Variants in RPN2 observed in about 807,000 individuals in gnomAD.
RPN2 encodes dolichyl-diphosphooligosaccharide--protein glycosyltransferase subunit 2.
Under a neutral mutation model 71.4 loss-of-function variants are expected in RPN2, and 29 were observed. That is an observed-to-expected ratio of 0.41 (90% CI 0.30 to 0.55). The LOEUF (loss-of-function observed/expected upper bound fraction) is 0.55. Ranked by LOEUF, RPN2 falls within the 20% of genes least tolerant of loss-of-function variation. The probability of loss-of-function intolerance (pLI) is 0.35; values close to 1 mark genes in which losing one functional copy is unlikely to be tolerated. For missense variants in RPN2, 726 were observed against 774.1 expected, an observed-to-expected ratio of 0.94 and a Z score of 0.74; for synonymous variants, 308 against 305.0, an observed-to-expected ratio of 1.01 and a Z score of -0.10.
At chr20:37,190,036 T>A (rs1187113565) in intron 2 of RPN2, among the ~76,000 whole-genome samples, 1 of 152,156 alleles carries the variant, frequency 6.6e-6, no homozygotes, top group African/African-American at 2.4e-5. Context: ...ATTGAAATAG[T>A]AATGTTAACC....
At chr20:37,224,219 G>A (rs917349483) in intron 10 of RPN2, among the ~76,000 whole-genome samples, 4 of 152,232 alleles carry the variant, frequency 2.6e-5, no homozygotes, top group African/African-American at 9.6e-5. Flanking sequence ...CCTCAACGAG[G>A]TAAAGCGCTT....
chr20:37,237,292 A>G (rs981571491), intron 16 of RPN2, among the ~76,000 whole-genome samples: 6 of 152,224 alleles, frequency 3.9e-5, no homozygotes, highest in Non-Finnish European at 5.9e-5. Flanking sequence ...GCTTGCTGGC[A>G]GCTTGACTTT....
At chr20:37,198,793 C>T (rs566240170) in intron 3 of RPN2, among the ~76,000 whole-genome samples, 22 of 152,190 alleles carry the variant, frequency 1.4e-4, no homozygotes, top group East Asian at 1.9e-4. Flanking sequence ...TACCCCCACA[C>T]GAGGTTTCTG....
At chr20:37,199,425 A>AC (rs2067330920) in intron 4 of RPN2, among the ~76,000 whole-genome samples, 200 bp downstream of exon 4, 1 of 152,252 alleles carries the variant, frequency 6.6e-6, no homozygotes, top group South Asian at 2.1e-4. Context: ...GCTCACATGG[A>AC]CACAGTCTTC....
At chr20:37,182,277 A>C in intron 1 of RPN2, among the ~76,000 whole-genome samples, 1 of 151,748 alleles carries the variant, frequency 6.6e-6, no homozygotes, top group South Asian at 2.1e-4. Flanking sequence ...TCTTTTTAGT[A>C]GAGACAGGGT....
At chr20:37,179,806 C>T (rs746380660) in intron 1 of RPN2, among the ~76,000 whole-genome samples, 3 of 152,242 alleles carry the variant, frequency 2.0e-5, no homozygotes, top group Non-Finnish European at 4.4e-5. Context: ...AGAAAACCCT[C>T]ACTTCTCTCT....
At position 37,184,194 on chromosome 20, in the gene RPN2, T is replaced by C; in HGVS notation, c.28T>C (p.Phe10Leu). The part of the protein sequence containing the change: MAPPGSSTV[F>L]LLALTIIAST... ...TTCCCCCCAAGGTTCAAGCACTGTCTTCCTGTTGGCCCTGACAATCATAGC... is the reference window on the plus strand; with the variant it reads ...TTCCCCCCAAGGTTCAAGCACTGTCCTCCTGTTGGCCCTGACAATCATAGC... The change falls in exon 2 of 17, where the codon TTC becomes CTC. Residue 10 changes from phenylalanine (F) to leucine (L), a missense_variant. Physicochemically the swap from Phe to Leu is conservative, Grantham distance 22. Transcript: ENST00000237530. 1 of 1,614,208 alleles carries C rather than the reference T, an allele frequency of 6.2e-7. No homozygotes were observed. Among genetic ancestry groups the C allele is most frequent in the Non-Finnish European group, 8.5e-7 (1 of 1,180,030 alleles).
In RPN2 at chr20:37,203,905, C is replaced by A. The variant is rs1568975149; in HGVS notation, c.500C>A (p.Thr167Lys). The change falls in exon 5 of 17, where the codon ACA becomes AAA. Residue 167 changes from threonine (T) to lysine (K), a missense_variant. By Grantham distance (78) the Thr-to-Lys change is moderately conservative. Transcript: ENST00000237530. ...TVLATVQALQ[T>K]ASHLSQQADL... ...TCCAGAACAGTCCAGGCTCTGCAGACAGCATCCCACCTGTCCCAGCAGGCT... is the reference window on the plus strand; with the variant it reads ...TCCAGAACAGTCCAGGCTCTGCAGAAAGCATCCCACCTGTCCCAGCAGGCT... 6.2e-7 allele frequency: 1 copy of A among 1,613,986 alleles called. No individual in the cohort carries two copies. The highest frequency in any genetic ancestry group is 8.5e-7 in the Non-Finnish European group (1 of 1,179,818).
chr20:37,184,861 GGATCATACCA>G (rs2066971925), intron 2 of RPN2, among the ~76,000 whole-genome samples: 1 of 152,108 alleles, frequency 6.6e-6, no homozygotes, highest in African/African-American at 2.4e-5. Flanking sequence ...TGTATGTTAA[GGATCATACCA>G]GATCAGTTAT....
chr20:37,207,533 C>A, intron 7 of RPN2, 84 bp downstream of exon 7: 1 of 1,265,330 alleles, frequency 7.9e-7, no homozygotes, highest in Non-Finnish European at 1.2e-6. Context: ...TGGTCACAGC[C>A]AATTACAGCC....
At chr20:37,230,518 A>G (rs1005172819) in intron 13 of RPN2, among the ~76,000 whole-genome samples, 1 of 152,234 alleles carries the variant, frequency 6.6e-6, no homozygotes, top group Non-Finnish European at 1.5e-5. Context: ...GTGAGAATCA[A>G]AGTTGATAAC....
chr20:37,225,645 A>T (rs147874603), intron 10 of RPN2, 43 bp from the exon 11 acceptor site: 27 of 1,287,324 alleles, frequency 2.1e-5, no homozygotes, highest in Non-Finnish European at 2.9e-5. Context: ...TCTCAGAGAT[A>T]TACTGATCCT....
chr20:37,218,851 T>A (rs549568436), intron 9 of RPN2, among the ~76,000 whole-genome samples: 28 of 152,358 alleles, frequency 1.8e-4, no homozygotes, highest in African/African-American at 6.7e-4. Flanking sequence ...CATGTATTAG[T>A]ACTTTATTTC....
intron 16 of RPN2, 26 bp downstream of exon 16, chr20:37,236,735 C>T (rs371914855): frequency 1.2e-6 from 2 of 1,611,874 alleles, no homozygotes. Flanking sequence ...AGCCAGGGAT[C>T]TAGAGTAGGG....
At chr20:37,209,226 A>G (rs1433067992) in intron 7 of RPN2, among the ~76,000 whole-genome samples, 1 of 152,242 alleles carries the variant, frequency 6.6e-6, no homozygotes, top group East Asian at 1.9e-4. Flanking sequence ...GTATATGCAT[A>G]TAGTTGACTT....
intron 8 of RPN2, among the ~76,000 whole-genome samples, chr20:37,211,953 G>A (rs951677664): frequency 2.6e-5 from 4 of 152,192 alleles, no homozygotes; most frequent in African/African-American, 7.2e-5. Context: ...GGCCAGGCTG[G>A]TCTTGAACTG....
rs772819967 is a variant in RPN2 at position 37,184,381 on chromosome 20, T to A, written c.207+8T>A. 6.2e-7 allele frequency: 1 copy of A among 1,613,372 alleles called. No individual in the cohort carries two copies. Among genetic ancestry groups the A allele is most frequent in the Admixed American group, 1.7e-5 (1 of 60,022 alleles). Reference sequence around the variant, plus strand: ...CAGGTGCCAGATGCAAAGGTAAGGCTGCTTTTGTCCTGGTGGTCAGGGTGG... The same window carrying A: ...CAGGTGCCAGATGCAAAGGTAAGGCAGCTTTTGTCCTGGTGGTCAGGGTGG... On this transcript the variant is annotated splice_region_variant and intron_variant, in intron 2 of 16. Transcript: ENST00000237530.
intron 11 of RPN2, 134 bp from the exon 12 acceptor site, chr20:37,228,416 G>A (rs1568995496): frequency 1.2e-6 from 1 of 820,878 alleles, no homozygotes; most frequent in Non-Finnish European, 2.0e-6. Flanking sequence ...ACTCTCTGGG[G>A]CAGGTCTGGC....
Position 37,203,869 on chromosome 20 carries a change from A to G in RPN2, c.480-16A>G. On this transcript the variant is annotated splice_polypyrimidine_tract_variant and intron_variant, in intron 4 of 16. Transcript: ENST00000237530. ...AAGACTTGCCATTCATTGGGGTTCT[A>G]CTCTTTACCTTCCAGAACAGTCCAG... 1 of 1,603,062 alleles carries G rather than the reference A, an allele frequency of 6.2e-7. No homozygotes were observed. Among genetic ancestry groups the G allele is most frequent in the Non-Finnish European group, 8.5e-7 (1 of 1,170,056 alleles).
Sources: gnomAD v4.1 joint callset for allele counts (sites outside exome capture counted in the v4.1 genomes callset) on GRCh38, gnomAD v4.1.1 for gene constraint, MANE v1.5 for transcripts, NCBI Gene and HGNC (gene_info 2026-07-23, HGNC 2026-07-21) for gene names.